Variants in SSUH2 observed in about 807,000 individuals in gnomAD.
SSUH2 encodes the protein protein SSUH2 homolog.
In SSUH2, 47 loss-of-function variants were observed where a neutral mutation model predicts 55.3. The ratio of observed to expected loss-of-function variants is 0.85; its 90% confidence interval spans 0.67 to 1.08. The LOEUF (loss-of-function observed/expected upper bound fraction) is 1.08, where lower values mean the gene tolerates loss of function less well. SSUH2 is among the 50% of genes least tolerant of loss of function. The pLI, the probability that SSUH2 is intolerant of heterozygous loss-of-function variation, is 0.00. For missense variants in SSUH2, 535 were observed against 490.7 expected (o/e 1.09, Z -0.85); for synonymous variants, 212 against 191.5 (o/e 1.11, Z -0.89).
intron 6 of SSUH2, among the ~76,000 whole-genome samples, chr3:8,660,255 A>G (rs890796352): frequency 6.6e-6 from 1 of 151,898 alleles, no homozygotes; most frequent in African/African-American, 2.4e-5. Context: ...CTGGTTAGAG[A>G]CCCCCTTGAG....
upstream of SSUH2, among the ~76,000 whole-genome samples, chr3:8,649,506 G>C (rs551249302): frequency 6.8e-4 from 103 of 152,110 alleles, no homozygotes; most frequent in Non-Finnish European, 6.0e-4. Flanking sequence ...CCTCTCCTCT[G>C]AACTCCTGAC....
intron 5 of SSUH2, among the ~76,000 whole-genome samples, chr3:8,668,589 T>G (rs533754703): frequency 6.6e-6 from 1 of 152,344 alleles, no homozygotes; most frequent in East Asian, 1.9e-4. Flanking sequence ...TTAGGAACAG[T>G]TTCTTTTTCA....
intron 5 of SSUH2, among the ~76,000 whole-genome samples, chr3:8,667,614 G>C (rs993153597): frequency 6.6e-6 from 1 of 152,128 alleles, no homozygotes. Context: ...AAAAGCTCTC[G>C]AACTTTGTCC....
intron 9 of SSUH2, 61 bp downstream of exon 9, chr3:8,626,168 G>C: frequency 7.2e-7 from 1 of 1,389,870 alleles, no homozygotes; most frequent in South Asian, 1.2e-5. Context: ...GCAGAAGCCA[G>C]TCCAGGGCTA....
chr3:8,658,242 A>G (rs1173182277), intron 7 of SSUH2, among the ~76,000 whole-genome samples: 4 of 152,234 alleles, frequency 2.6e-5, no homozygotes, highest in African/African-American at 4.8e-5. Context: ...CAGTAAGTGG[A>G]AGGCATTGCT....
chr3:8,655,705 A>G (rs1702866990), intron 7 of SSUH2, among the ~76,000 whole-genome samples: 1 of 152,236 alleles, frequency 6.6e-6, no homozygotes, highest in African/African-American at 2.4e-5. Flanking sequence ...ATTGACATCA[A>G]TGAGCTGACA....
intron 6 of SSUH2, among the ~76,000 whole-genome samples, chr3:8,630,355 G>A (rs544704133): frequency 6.6e-6 from 1 of 152,106 alleles, no homozygotes; most frequent in Non-Finnish European, 1.5e-5. Flanking sequence ...CTCCCTTCAC[G>A]CCACGAATAT....
chr3:8,640,784 G>A (rs1195360091), intron 1 of SSUH2, among the ~76,000 whole-genome samples: 1 of 152,206 alleles, frequency 6.6e-6, no homozygotes, highest in African/African-American at 2.4e-5. Context: ...AAGAGAAATG[G>A]GTGAAGGGTT....
chr3:8,630,135 T>A (rs1698462219), intron 6 of SSUH2, among the ~76,000 whole-genome samples: 1 of 152,196 alleles, frequency 6.6e-6, no homozygotes, highest in Non-Finnish European at 1.5e-5. Context: ...TAGTATTTAA[T>A]CACTAATTTA....
At chr3:8,627,668 TTCA>T in intron 8 of SSUH2, 27 bp downstream of exon 8, 1 of 1,428,218 alleles carries the variant, frequency 7.0e-7, no homozygotes, top group East Asian at 2.7e-5. Flanking sequence ...GCAAGAGCAC[TTCA>T]CCGCGGTGCT....
chr3:8,667,858 C>T (rs924499633), intron 5 of SSUH2, among the ~76,000 whole-genome samples: 6 of 152,052 alleles, frequency 3.9e-5, no homozygotes, highest in African/African-American at 1.5e-4. Context: ...TGCCAGGAAA[C>T]GGGAATGAAG....
chr3:8,623,378 C>A, intron 11 of SSUH2, 171 bp downstream of exon 11: 2 of 564,720 alleles, frequency 3.5e-6, no homozygotes, highest in Admixed American at 3.0e-5. Flanking sequence ...CTTACTTGCC[C>A]TGCTCCATGC....
intron 8 of SSUH2, 25 bp downstream of exon 8, chr3:8,627,673 C>CCA: frequency 7.0e-7 from 1 of 1,424,808 alleles, no homozygotes; most frequent in East Asian, 2.7e-5. Context: ...AGCACTTCAC[C>CCA]GCGGTGCTGG....
intron 11 of SSUH2, among the ~76,000 whole-genome samples, chr3:8,621,980 G>A (rs147262024): frequency 4.8e-4 from 71 of 148,026 alleles, no homozygotes; most frequent in African/African-American, 1.2e-3. Flanking sequence ...AAAAAGTCTC[G>A]AAGTTTGAGG....
intron 3 of SSUH2, among the ~76,000 whole-genome samples, chr3:8,673,308 A>C (rs1443376561): frequency 6.6e-6 from 1 of 150,724 alleles, no homozygotes; most frequent in Non-Finnish European, 1.5e-5. Flanking sequence ...AGAAGTGTTA[A>C]TTAATAATTG....
chr3:8,644,458 G>C (rs1324069792), intron 1 of SSUH2, among the ~76,000 whole-genome samples: 1 of 152,134 alleles, frequency 6.6e-6, no homozygotes, highest in African/African-American at 2.4e-5. Flanking sequence ...TTGTCCAAAG[G>C]CTCATAACGG....
chr3:8,644,692 CCA>C (rs1200458334), intron 1 of SSUH2, 37 bp downstream of exon 1: 118 of 1,527,520 alleles, frequency 7.7e-5, no homozygotes, highest in Middle Eastern at 5.0e-4. Context: ...TAAAATATCT[CCA>C]CACAGTCTTC....
At chr3:8,646,463 C>A (rs930235704), upstream of SSUH2, among the ~76,000 whole-genome samples, 1 of 152,046 alleles carries the variant, frequency 6.6e-6, no homozygotes, top group Non-Finnish European at 1.5e-5. Flanking sequence ...ATCTTGAGGC[C>A]GCAAAAATGC....
At chr3:8,626,756 C>T (rs1200406218) in intron 8 of SSUH2, among the ~76,000 whole-genome samples, 1 of 152,108 alleles carries the variant, frequency 6.6e-6, no homozygotes, top group African/African-American at 2.4e-5. Flanking sequence ...TGGTGATCTC[C>T]TCTGCCACTA....
Sources: allele counts gnomAD v4.1 joint callset (sites outside exome capture counted in the v4.1 genomes callset), GRCh38; gene constraint gnomAD v4.1.1; transcripts MANE v1.5; gene names NCBI Gene and HGNC (gene_info 2026-07-23, HGNC 2026-07-21).